UVRAG: variants seen among roughly 807,000 people sequenced by gnomAD.
UVRAG encodes UV radiation resistance-associated gene protein.
Under a neutral mutation model 78.0 loss-of-function variants are expected in UVRAG, and 19 were observed. The observed-to-expected ratio is 0.24, with a 90% CI of 0.17 to 0.36. The LOEUF (loss-of-function observed/expected upper bound fraction) is 0.36, where lower values mean the gene tolerates loss of function less well. Ranked by LOEUF, UVRAG falls within the 10% of genes least tolerant of loss-of-function variation. The pLI, the probability that UVRAG is intolerant of heterozygous loss-of-function variation, is 1.00. For missense variants in UVRAG, 740 were observed against 853.8 expected, an observed-to-expected ratio of 0.87 and a Z score of 1.66; for synonymous variants, 323 against 324.6, an observed-to-expected ratio of 1.00 and a Z score of 0.05.
At chr11:75,940,679 T>C (rs1380036351) in intron 6 of UVRAG, among the ~76,000 whole-genome samples, 2 of 152,216 alleles carry the variant, frequency 1.3e-5, no homozygotes, top group African/African-American at 4.8e-5. Flanking sequence ...CTGCTAATAT[T>C]TGAGTACTTA....
At chr11:76,035,968 G>A (rs1036415287) in intron 12 of UVRAG, among the ~76,000 whole-genome samples, 2 of 152,248 alleles carry the variant, frequency 1.3e-5, no homozygotes, top group Middle Eastern at 3.4e-3. Context: ...GTAGAAAGAA[G>A]TACAATCTGA....
chr11:76,008,743 C>T (rs2135348739), intron 10 of UVRAG, 64 bp from the exon 11 acceptor site: 1 of 935,308 alleles, frequency 1.1e-6, no homozygotes, highest in Non-Finnish European at 1.6e-6. Context: ...ACCTGCTGAT[C>T]TGAGATTTAA....
At chr11:75,986,703 T>C (rs891079260) in intron 8 of UVRAG, among the ~76,000 whole-genome samples, 18 of 152,166 alleles carry the variant, frequency 1.2e-4, no homozygotes, top group Non-Finnish European at 2.4e-4. Flanking sequence ...TGTGCAGTGA[T>C]CACCACAATC....
At chr11:76,123,703 T>A (rs1952332324) in intron 14 of UVRAG, among the ~76,000 whole-genome samples, 1 of 152,168 alleles carries the variant, frequency 6.6e-6, no homozygotes, top group Non-Finnish European at 1.5e-5. Flanking sequence ...TCAGAAAATA[T>A]GGGTTCCAGT....
chr11:76,037,540 A>G (rs977531719), intron 12 of UVRAG, among the ~76,000 whole-genome samples: 4 of 100,910 alleles, frequency 4.0e-5, no homozygotes, highest in African/African-American at 1.1e-4. Context: ...TTGTCTTTAC[A>G]AAAAAAAAAA....
At chr11:75,992,805 G>C (rs1305969991) in intron 8 of UVRAG, among the ~76,000 whole-genome samples, 1 of 152,184 alleles carries the variant, frequency 6.6e-6, no homozygotes, top group African/African-American at 2.4e-5. Flanking sequence ...CTTGAGCCAA[G>C]TTAAAATATT....
chr11:76,081,058 G>A (rs1173759878), intron 13 of UVRAG, among the ~76,000 whole-genome samples: 1 of 152,194 alleles, frequency 6.6e-6, no homozygotes, highest in African/African-American at 2.4e-5. Flanking sequence ...TTTATAAATA[G>A]TAGTTGTATT....
chr11:76,095,280 G>A (rs1591231828), intron 13 of UVRAG, among the ~76,000 whole-genome samples: 1 of 152,094 alleles, frequency 6.6e-6, no homozygotes, highest in East Asian at 1.9e-4. Context: ...GAGCCTTTGT[G>A]GATTCTCAGA....
At chr11:76,020,344 A>G (rs1335912567) in intron 12 of UVRAG, among the ~76,000 whole-genome samples, 1 of 152,068 alleles carries the variant, frequency 6.6e-6, no homozygotes, top group African/African-American at 2.4e-5. Flanking sequence ...CCAAGCTGGT[A>G]CCTGAAAACA....
At chr11:75,933,076 C>T (rs929132402) in intron 6 of UVRAG, among the ~76,000 whole-genome samples, 47 of 152,182 alleles carry the variant, frequency 3.1e-4, no homozygotes, top group African/African-American at 1.1e-3. Context: ...AATAACAAAA[C>T]TTCAGGAATC....
chr11:75,913,170 G>T (rs1010624566), intron 6 of UVRAG, among the ~76,000 whole-genome samples: 4 of 152,144 alleles, frequency 2.6e-5, no homozygotes, highest in African/African-American at 9.7e-5. Flanking sequence ...CTTGATCTCA[G>T]TTTTCCTTAG....
At chr11:75,884,592 A>G (rs1199646360) in intron 4 of UVRAG, among the ~76,000 whole-genome samples, 1 of 152,096 alleles carries the variant, frequency 6.6e-6, no homozygotes, top group African/African-American at 2.4e-5. Context: ...TGAATTTTCT[A>G]TATAAAGTGC....
chr11:76,004,615 ATT>A (rs1949890753), intron 9 of UVRAG, among the ~76,000 whole-genome samples: 1 of 150,912 alleles, frequency 6.6e-6, no homozygotes, highest in Non-Finnish European at 1.5e-5. Context: ...TCATTCATTC[ATT>A]CATTCATTCA....
chr11:76,070,947 C>T (rs148800475), intron 13 of UVRAG, among the ~76,000 whole-genome samples: 7 of 152,280 alleles, frequency 4.6e-5, no homozygotes, highest in Non-Finnish European at 8.8e-5. Context: ...TAATCAATGT[C>T]ACTGAATTTT....
intron 5 of UVRAG, among the ~76,000 whole-genome samples, chr11:75,898,313 G>A (rs1439953949): frequency 2.0e-5 from 3 of 152,110 alleles, no homozygotes; most frequent in Admixed American, 6.5e-5. Flanking sequence ...CTTTCATTCC[G>A]TGACTTAATC....
intron 8 of UVRAG, among the ~76,000 whole-genome samples, chr11:75,990,476 AC>A (rs1949583662): frequency 6.6e-6 from 1 of 152,180 alleles, no homozygotes; most frequent in Non-Finnish European, 1.5e-5. Flanking sequence ...GGAGCAAAAC[AC>A]CATCTGTTTT....
At position 75,983,484 on chromosome 11, in the gene UVRAG, A is replaced by G. The variant is rs758196665; in HGVS notation, c.797A>G (p.His266Arg). The G allele has an allele frequency of 3.1e-6, 5 of 1,610,200 alleles. No homozygotes were observed. In the South Asian group the frequency reaches 4.4e-5, roughly 14 times the overall value. ...TTGGGACGGGAGGTGGCATTACTGCATAAGCAACAAATTGCATTACAAGAC... is the reference window on the plus strand; with the variant it reads ...TTGGGACGGGAGGTGGCATTACTGCGTAAGCAACAAATTGCATTACAAGAC... Reference protein sequence around the residue: ...KALGREVALLHKQQIALQDKG... With the variant: ...KALGREVALLRKQQIALQDKG... Residue 266 changes from histidine (H) to arginine (R), a missense_variant, in exon 8 of 15, where the codon CAT becomes CGT. Transcript: ENST00000356136.
intron 1 of UVRAG, among the ~76,000 whole-genome samples, chr11:75,839,329 A>G (rs913898974): frequency 5.9e-5 from 9 of 151,876 alleles, no homozygotes; most frequent in South Asian, 2.1e-4. Context: ...TTTATGTAGT[A>G]ATTTTTTTCT....
chr11:75,884,713 G>C (rs1438719341), intron 4 of UVRAG, among the ~76,000 whole-genome samples: 1 of 152,076 alleles, frequency 6.6e-6, no homozygotes, highest in East Asian at 1.9e-4. Flanking sequence ...ATCAGTAGTT[G>C]AGAATCATTT....
Sources: gnomAD v4.1 joint callset for allele counts (sites outside exome capture counted in the v4.1 genomes callset) on GRCh38, gnomAD v4.1.1 for gene constraint, MANE v1.5 for transcripts, NCBI Gene and HGNC (gene_info 2026-07-23, HGNC 2026-07-21) for gene names.